Variants in CHODL observed in about 807,000 individuals in gnomAD.
CHODL encodes the protein chondrolectin, also known as transmembrane protein MT75.
CHODL carries 29 observed loss-of-function variants against 34.5 expected under a neutral mutation model. The ratio of observed to expected loss-of-function variants is 0.84; its 90% CI spans 0.63 to 1.15. The LOEUF (loss-of-function observed/expected upper bound fraction) is 1.15, where lower values mean the gene tolerates loss of function less well. Ranked by LOEUF, CHODL falls within the 50% of genes most tolerant of loss-of-function variation. The pLI, the probability that CHODL is intolerant of heterozygous loss-of-function variation, is 0.00. For synonymous variants in CHODL, 125 were observed against 116.1 expected, an observed-to-expected ratio of 1.08 and a Z score of -0.49; for missense variants, 332 against 332.5, an observed-to-expected ratio of 1.00 and a Z score of 0.01.
At chr21:18,242,629 T>A (rs1285623631), upstream of CHODL, among the ~76,000 whole-genome samples, 1 of 152,138 alleles carries the variant, frequency 6.6e-6, no homozygotes, top group African/African-American at 2.4e-5. Flanking sequence ...AAACATCATA[T>A]CTAAAAAGAA....
chr21:18,189,313 A>T (rs1218096086), intron 2 of CHODL, among the ~76,000 whole-genome samples: 1 of 151,734 alleles, frequency 6.6e-6, no homozygotes, highest in Non-Finnish European at 1.5e-5. Flanking sequence ...TCTCCAAGAA[A>T]CTTAGAATTG....
In CHODL at chr21:18,146,889, A is replaced by T. The variant is rs545687431; in HGVS notation, c.-44-109620A>T. ...TTTTCTAGTGTTTCTGACTAATGTT[A>T]TTTTGATCAAACCTGAAATGTCTAC... is the stretch of plus-strand genomic sequence containing the variant. On this transcript the variant is annotated intron_variant, in intron 2 of 6. Transcript: ENST00000400127. 7.9e-4 allele frequency among the ~76,000 whole-genome samples: 120 copies of T among 152,248 alleles called. 1 individual carries two copies. Among genetic ancestry groups the T allele is most frequent in the African/African-American group, 2.8e-3 (118 of 41,550 alleles).
intron 1 of CHODL, among the ~76,000 whole-genome samples, chr21:17,985,143 T>C (rs197551): frequency 0.56 from 85,435 of 151,914 alleles, 24,703 homozygotes; most frequent in African/African-American, 0.69. Context: ...AGAAAACGGA[T>C]GTATCTATAA....
intron 1 of CHODL, among the ~76,000 whole-genome samples, chr21:18,248,731 TAA>T (rs1491062201): frequency 8.3e-6 from 1 of 120,356 alleles, no homozygotes; most frequent in East Asian, 2.2e-4. Flanking sequence ...TATATGTATA[TAA>T]TATATATGTA....
At chr21:18,178,068 G>A (rs1218749882) in intron 2 of CHODL, among the ~76,000 whole-genome samples, 1 of 152,088 alleles carries the variant, frequency 6.6e-6, no homozygotes, top group Non-Finnish European at 1.5e-5. Flanking sequence ...TCAGTCTCAT[G>A]GTTGCTAATA....
At chr21:18,003,736 G>A (rs922330026) in intron 1 of CHODL, among the ~76,000 whole-genome samples, 7 of 152,046 alleles carry the variant, frequency 4.6e-5, no homozygotes, top group African/African-American at 1.7e-4. Context: ...TTATTCAAAA[G>A]TCCTACTGAG....
chr21:18,153,097 C>A (rs955196974), intron 2 of CHODL, among the ~76,000 whole-genome samples: 6 of 152,202 alleles, frequency 3.9e-5, no homozygotes, highest in Non-Finnish European at 8.8e-5. Flanking sequence ...TTATAACAAA[C>A]TCCAACAGCT....
intron 1 of CHODL, among the ~76,000 whole-genome samples, chr21:18,002,868 A>C (rs2063920187): frequency 6.6e-6 from 1 of 152,196 alleles, no homozygotes; most frequent in African/African-American, 2.4e-5. Flanking sequence ...TCACGCCTGT[A>C]ATCCCAGCAC....
chr21:17,951,128 G>A (rs1328339255), intron 1 of CHODL, among the ~76,000 whole-genome samples: 1 of 151,862 alleles, frequency 6.6e-6, no homozygotes, highest in African/African-American at 2.4e-5. Context: ...GTGTGTGTGT[G>A]TGTGTGTGTG....
chr21:18,118,134 A>T (rs1237214117), intron 2 of CHODL, among the ~76,000 whole-genome samples: 1 of 152,204 alleles, frequency 6.6e-6, no homozygotes, highest in African/African-American at 2.4e-5. Flanking sequence ...TATTTTTCAG[A>T]TTTAACTGGT....
intron 2 of CHODL, among the ~76,000 whole-genome samples, chr21:18,155,638 C>T (rs2073025256): frequency 6.6e-6 from 1 of 152,144 alleles, no homozygotes; most frequent in Admixed American, 6.5e-5. Flanking sequence ...GGTAGAAATA[C>T]AAGGCCATTG....
intron 1 of CHODL, among the ~76,000 whole-genome samples, chr21:17,923,479 T>TTTG (rs35873095): frequency 1.3e-4 from 20 of 151,540 alleles, no homozygotes; most frequent in African/African-American, 4.6e-4. Context: ...TTTTTTTTTT[T>TTTG]GAGACGAAGT....
intron 2 of CHODL, among the ~76,000 whole-genome samples, chr21:18,158,413 T>C (rs988822276): frequency 1.3e-5 from 2 of 152,164 alleles, no homozygotes; most frequent in Admixed American, 6.6e-5. Context: ...CACAGAAGCA[T>C]AGATTATTCA....
chr21:18,073,285 A>G (rs1044061220), intron 2 of CHODL, among the ~76,000 whole-genome samples: 16 of 152,174 alleles, frequency 1.1e-4, no homozygotes, highest in African/African-American at 3.9e-4. Context: ...ATGCCAGGCA[A>G]CAAGTTTTAA....
At chr21:18,009,275 G>A (rs1414359478) in intron 1 of CHODL, among the ~76,000 whole-genome samples, 2 of 151,996 alleles carry the variant, frequency 1.3e-5, no homozygotes, top group African/African-American at 2.4e-5. Flanking sequence ...TGTGGTGATT[G>A]TTACTCTAAT....
chr21:18,241,594 A>G (rs2074082910), upstream of CHODL, among the ~76,000 whole-genome samples: 1 of 152,172 alleles, frequency 6.6e-6, no homozygotes, highest in South Asian at 2.1e-4. Flanking sequence ...GCCCATGTGA[A>G]GAGCCACTGA....
At position 18,071,593 on chromosome 21, in the gene CHODL, A is replaced by C. The variant is rs566642812; in HGVS notation, c.-45+43622A>C. Among the ~76,000 whole-genome samples, 5 of 152,190 alleles carry C rather than the reference A, an allele frequency of 3.3e-5. No individual in the cohort carries two copies. In the South Asian group the frequency reaches 1.0e-3, roughly 32 times the overall value. Reference sequence around the variant, plus strand: ...CCCCACGTGATTTTTCTAAGAGACAATTATTTCATTTCAGGCTCAGAAAAC... The same window carrying C: ...CCCCACGTGATTTTTCTAAGAGACACTTATTTCATTTCAGGCTCAGAAAAC... On this transcript the variant is annotated intron_variant, in intron 2 of 6. Transcript: ENST00000400127.
chr21:18,245,159 G>A lies in CHODL; in HGVS notation c.-65G>A, dbSNP rs1217892445. 2.2e-6 allele frequency: 3 copies of A among 1,358,228 alleles called. No individual in the cohort carries two copies. The highest frequency in any genetic ancestry group is 2.4e-5 in the Admixed American group (1 of 41,260). The allele number at this position is 1,358,228 out of a possible 1,614,324, so 84.1% of individuals were successfully genotyped here. On this transcript the variant is annotated 5_prime_UTR_variant, in exon 1 of 6. Coordinates refer to ENST00000299295, the MANE Select transcript of CHODL (RefSeq NM_024944.3). ...AGGGAGGCTGCAGAGTCAGAGTCGC[G>A]GGCTGCGCCCTGGGCAGAGGCCGCC...
intron 1 of CHODL, among the ~76,000 whole-genome samples, chr21:17,970,605 T>C (rs2063607011): frequency 6.6e-6 from 1 of 152,188 alleles, no homozygotes; most frequent in Non-Finnish European, 1.5e-5. Context: ...TTAATTTTTT[T>C]TTATTTTAAT....
Sources: gnomAD v4.1 joint callset for allele counts (sites outside exome capture counted in the v4.1 genomes callset) on GRCh38, gnomAD v4.1.1 for gene constraint, MANE v1.5 for transcripts, NCBI Gene and HGNC (gene_info 2026-07-23, HGNC 2026-07-21) for gene names.